RSRC1: variants seen among roughly 807,000 people sequenced by gnomAD.
The protein encoded by RSRC1 is serine/Arginine-related protein 53.
RSRC1 carries 39 observed loss-of-function variants against 49.1 expected under a neutral mutation model. The ratio of observed to expected loss-of-function variants is 0.79; its 90% CI spans 0.61 to 1.04. The LOEUF (loss-of-function observed/expected upper bound fraction) is 1.04, where lower values mean the gene tolerates loss of function less well. Among genes scored for constraint, RSRC1 ranks in the 50% least tolerant of loss-of-function variants. The pLI is 0.00. For missense variants in RSRC1, 388 were observed against 402.4 expected, an observed-to-expected ratio of 0.96 and a Z score of 0.31; for synonymous variants, 143 against 130.8, an observed-to-expected ratio of 1.09 and a Z score of -0.63.
At chr3:158,240,458 C>G (rs1723507763) in intron 4 of RSRC1, among the ~76,000 whole-genome samples, 5 of 152,024 alleles carry the variant, frequency 3.3e-5, no homozygotes. Flanking sequence ...ATTAATCTGT[C>G]CTGACATTAT....
chr3:158,533,865 TTATC>T (rs755251499), intron 7 of RSRC1, among the ~76,000 whole-genome samples: 90 of 151,752 alleles, frequency 5.9e-4, no homozygotes, highest in Non-Finnish European at 9.3e-4. Context: ...AATAAAAAAT[TTATC>T]TACTTGTATG....
chr3:158,454,324 A>G (rs1466020596), intron 6 of RSRC1, among the ~76,000 whole-genome samples: 1 of 152,058 alleles, frequency 6.6e-6, no homozygotes, highest in East Asian at 1.9e-4. Context: ...AATTGTAACT[A>G]TGTCATAGAA....
At chr3:158,399,761 C>G (rs1296717006) in intron 6 of RSRC1, among the ~76,000 whole-genome samples, 1 of 152,076 alleles carries the variant, frequency 6.6e-6, no homozygotes, top group Non-Finnish European at 1.5e-5. Context: ...TGTTCTTACC[C>G]ATTGTGTAAC....
intron 4 of RSRC1, among the ~76,000 whole-genome samples, chr3:158,283,881 CTT>C (rs11339826): frequency 1.5e-3 from 220 of 147,774 alleles, no homozygotes; most frequent in African/African-American, 2.4e-3. Flanking sequence ...CATTTGTTTT[CTT>C]TTTTTTTTTT....
intron 4 of RSRC1, among the ~76,000 whole-genome samples, chr3:158,258,995 A>G (rs1278417886): frequency 6.6e-6 from 1 of 152,114 alleles, no homozygotes; most frequent in African/African-American, 2.4e-5. Flanking sequence ...TCCTTACAAC[A>G]GCTATTTTGA....
At chr3:158,486,490 G>A (rs1738824059) in intron 7 of RSRC1, among the ~76,000 whole-genome samples, 2 of 152,234 alleles carry the variant, frequency 1.3e-5, no homozygotes, top group South Asian at 4.1e-4. Flanking sequence ...GCATAAACAT[G>A]TATAAAACAA....
chr3:158,516,480 A>G (rs1740543283), intron 7 of RSRC1, among the ~76,000 whole-genome samples: 1 of 152,116 alleles, frequency 6.6e-6, no homozygotes, highest in Non-Finnish European at 1.5e-5. Context: ...GGGTGCTGGG[A>G]GAACCACTGC....
chr3:158,201,089 T>C (rs557723487), intron 3 of RSRC1, among the ~76,000 whole-genome samples: 27 of 152,296 alleles, frequency 1.8e-4, no homozygotes, highest in Admixed American at 7.2e-4. Context: ...GTCCTTATTT[T>C]ACTTTCATTT....
At chr3:158,184,211 A>G (rs894887237) in intron 3 of RSRC1, among the ~76,000 whole-genome samples, 1 of 152,002 alleles carries the variant, frequency 6.6e-6, no homozygotes, top group African/African-American at 2.4e-5. Flanking sequence ...TTCTTGCCTC[A>G]TGGAACAAAA....
intron 4 of RSRC1, among the ~76,000 whole-genome samples, chr3:158,230,847 A>C (rs1722906960): frequency 1.3e-5 from 2 of 152,140 alleles, no homozygotes; most frequent in South Asian, 4.1e-4. Context: ...TAAATTATGA[A>C]ACATAAATAC....
chr3:158,449,840 C>T (rs966461777), intron 6 of RSRC1, among the ~76,000 whole-genome samples: 1 of 151,908 alleles, frequency 6.6e-6, no homozygotes. Flanking sequence ...CCTCTGGGGA[C>T]ATATAGCTGT....
intron 3 of RSRC1, among the ~76,000 whole-genome samples, chr3:158,202,342 T>C (rs568969423): frequency 1.4e-4 from 21 of 151,706 alleles, no homozygotes; most frequent in African/African-American, 4.6e-4. Context: ...TAATATTCAC[T>C]AAGTGGAAGT....
chr3:158,162,162 T>A (rs1186311410), intron 3 of RSRC1, among the ~76,000 whole-genome samples: 1 of 152,102 alleles, frequency 6.6e-6, no homozygotes, highest in Admixed American at 6.5e-5. Context: ...GATAAACAGC[T>A]TTCTTTTTTG....
At chr3:158,260,857 A>G (rs2108034640) in intron 4 of RSRC1, among the ~76,000 whole-genome samples, 1 of 152,236 alleles carries the variant, frequency 6.6e-6, no homozygotes, top group East Asian at 1.9e-4. Flanking sequence ...CTGAGTTCCA[A>G]CATAAAGTCC....
At chr3:158,146,729 G>A (rs569100214) in intron 3 of RSRC1, among the ~76,000 whole-genome samples, 212 of 152,220 alleles carry the variant, frequency 1.4e-3, no homozygotes, top group Non-Finnish European at 2.4e-3. Flanking sequence ...TGTACCTCTG[G>A]TAGAATTCAG....
At chr3:158,468,775 CTCTT>C (rs1395830025) in intron 7 of RSRC1, among the ~76,000 whole-genome samples, 1 of 152,020 alleles carries the variant, frequency 6.6e-6, no homozygotes, top group Non-Finnish European at 1.5e-5. Context: ...GTATGAGATT[CTCTT>C]TCTTTCTTAG....
chr3:158,540,596 C>T, intron 8 of RSRC1, among the ~76,000 whole-genome samples: 1 of 151,892 alleles, frequency 6.6e-6, no homozygotes, highest in East Asian at 1.9e-4. Context: ...AAAAGTGGAT[C>T]TTGATATCAT....
At chr3:158,208,907 A>C (rs1721501262) in intron 4 of RSRC1, among the ~76,000 whole-genome samples, 1 of 152,154 alleles carries the variant, frequency 6.6e-6, no homozygotes, top group Non-Finnish European at 1.5e-5. Context: ...ATATTATTGG[A>C]CCTTCTTTAC....
chr3:158,266,028 C>T (rs908040329), intron 4 of RSRC1, among the ~76,000 whole-genome samples: 2 of 152,016 alleles, frequency 1.3e-5, no homozygotes, highest in African/African-American at 4.8e-5. Context: ...CTTTTCTGGT[C>T]TTTGCATTCT....
Sources: allele counts gnomAD v4.1 joint callset (sites outside exome capture counted in the v4.1 genomes callset), GRCh38; gene constraint gnomAD v4.1.1; transcripts MANE v1.5; gene names NCBI Gene and HGNC (gene_info 2026-07-23, HGNC 2026-07-21).